The following ASTN2 variants were observed in gnomAD, a reference collection of about 807,000 sequenced individuals.
ASTN2 encodes astrotactin-2.
In ASTN2, 54 loss-of-function variants were observed where a neutral mutation model predicts 139.8. The ratio of observed to expected loss-of-function variants is 0.39; its 90% CI spans 0.31 to 0.48. ASTN2 has a LOEUF of 0.48. Among genes scored for constraint, ASTN2 ranks in the 20% least tolerant of loss-of-function variants. The pLI is 0.95. For synonymous variants in ASTN2, 756 were observed against 719.5 expected (o/e 1.05, Z -0.81); for missense variants, 1,565 against 1,725.1 (o/e 0.91, Z 1.64).
At chr9:116,447,896 G>C (rs577769083) in intron 20 of ASTN2, among the ~76,000 whole-genome samples, 1 of 152,280 alleles carries the variant, frequency 6.6e-6, no homozygotes, top group African/African-American at 2.4e-5. Flanking sequence ...AGGAGGGTGG[G>C]TAGAAAGGAA....
At chr9:117,336,079 A>G (rs1198363907) in intron 1 of ASTN2, among the ~76,000 whole-genome samples, 1 of 145,856 alleles carries the variant, frequency 6.9e-6, no homozygotes, top group Non-Finnish European at 1.5e-5. Flanking sequence ...AAAAAAAAGG[A>G]CCACCAGGCA....
chr9:116,576,067 C>A (rs144427282), intron 19 of ASTN2, among the ~76,000 whole-genome samples: 1 of 152,120 alleles, frequency 6.6e-6, no homozygotes, highest in Admixed American at 6.5e-5. Flanking sequence ...GAGCGCCCCA[C>A]CCCTCTATTT....
chr9:117,233,056 G>A (rs1383632039), intron 2 of ASTN2, among the ~76,000 whole-genome samples: 1 of 152,136 alleles, frequency 6.6e-6, no homozygotes, highest in East Asian at 1.9e-4. Context: ...TAACAAGCAA[G>A]TCTTCTAGGA....
At chr9:117,115,232 G>A (rs1231571837) in intron 4 of ASTN2, among the ~76,000 whole-genome samples, 1 of 152,148 alleles carries the variant, frequency 6.6e-6, no homozygotes, top group Non-Finnish European at 1.5e-5. Flanking sequence ...ATCTATTCTA[G>A]GCCGGGCAAT....
intron 5 of ASTN2, among the ~76,000 whole-genome samples, chr9:117,080,852 C>T (rs7043997): frequency 0.078 from 11,894 of 152,104 alleles, 582 homozygotes; most frequent in East Asian, 0.21. Context: ...CAGAGAACCA[C>T]ACTGTTCCTA....
At chr9:116,964,310 G>A (rs550110062) in intron 10 of ASTN2, among the ~76,000 whole-genome samples, 2 of 151,872 alleles carry the variant, frequency 1.3e-5, no homozygotes, top group Non-Finnish European at 2.9e-5. Context: ...ATTGGGCAGA[G>A]TAAGATACGC....
At chr9:117,016,656 A>ATATATAGGTTATATATATATGTT (rs59564628) in intron 6 of ASTN2, among the ~76,000 whole-genome samples, 2 of 26,812 alleles carry the variant, frequency 7.5e-5, no homozygotes, top group African/African-American at 2.5e-4. Context: ...ATATATATAT[A>ATATATAGGTTATATATATATGTT]ACCTATATAT....
At chr9:116,835,709 C>T (rs1030860738) in intron 11 of ASTN2, among the ~76,000 whole-genome samples, 5 of 152,212 alleles carry the variant, frequency 3.3e-5, no homozygotes, top group Admixed American at 1.3e-4. Context: ...AGGGCTGTGT[C>T]ACAGGCCGTG....
At chr9:116,926,333 T>C (rs978728729) in intron 10 of ASTN2, among the ~76,000 whole-genome samples, 1 of 152,232 alleles carries the variant, frequency 6.6e-6, no homozygotes, top group African/African-American at 2.4e-5. Flanking sequence ...TGCCACCCCC[T>C]GCCACTGCAA....
At chr9:116,773,018 A>G (rs1369730671) in intron 13 of ASTN2, among the ~76,000 whole-genome samples, 2 of 152,182 alleles carry the variant, frequency 1.3e-5, no homozygotes, top group African/African-American at 4.8e-5. Flanking sequence ...GAAAGCGAAG[A>G]AACTGAGCTG....
chr9:117,207,659 T>A (rs951449263), intron 3 of ASTN2, among the ~76,000 whole-genome samples: 2 of 151,970 alleles, frequency 1.3e-5, no homozygotes, highest in African/African-American at 4.8e-5. Context: ...CTGAGAAACA[T>A]CCCTTTGAGC....
At chr9:116,991,659 C>T (rs1461564223) in intron 7 of ASTN2, among the ~76,000 whole-genome samples, 1 of 151,534 alleles carries the variant, frequency 6.6e-6, no homozygotes, top group Non-Finnish European at 1.5e-5. Context: ...TACCAATAGT[C>T]AGGGGCAGAG....
intron 1 of ASTN2, among the ~76,000 whole-genome samples, chr9:117,349,767 C>T (rs1829332444): frequency 6.6e-6 from 1 of 152,070 alleles, no homozygotes; most frequent in Admixed American, 6.6e-5. Flanking sequence ...CTAACATCAG[C>T]AATAAGTCAG....
intron 19 of ASTN2, among the ~76,000 whole-genome samples, chr9:116,586,523 A>G (rs1351816892): frequency 6.6e-6 from 1 of 152,164 alleles, no homozygotes; most frequent in Non-Finnish European, 1.5e-5. Flanking sequence ...CGATTATCCT[A>G]AGCAAATTAA....
chr9:117,349,140 C>T (rs10818027), intron 1 of ASTN2, among the ~76,000 whole-genome samples: 9 of 151,970 alleles, frequency 5.9e-5, no homozygotes, highest in African/African-American at 2.2e-4. Context: ...CAAATCCAAA[C>T]GGTATGCTCA....
chr9:116,948,730 T>TGA (rs1255281503), intron 10 of ASTN2, among the ~76,000 whole-genome samples: 1 of 134,920 alleles, frequency 7.4e-6, no homozygotes, highest in African/African-American at 2.8e-5. Context: ...TGTGTGTGTG[T>TGA]AAGAGACAGA....
At chr9:116,754,404 T>C (rs1364806805) in intron 13 of ASTN2, among the ~76,000 whole-genome samples, 1 of 152,210 alleles carries the variant, frequency 6.6e-6, no homozygotes, top group Non-Finnish European at 1.5e-5. Context: ...CCACAATGGT[T>C]GAACTAATTT....
intron 5 of ASTN2, among the ~76,000 whole-genome samples, chr9:117,092,845 G>A (rs187538919): frequency 1.3e-5 from 2 of 152,290 alleles, no homozygotes; most frequent in Admixed American, 1.3e-4. Context: ...AGGAATAGGA[G>A]AGGACTGGGA....
intron 19 of ASTN2, among the ~76,000 whole-genome samples, chr9:116,516,165 T>C (rs1240475815): frequency 6.6e-6 from 1 of 152,188 alleles, no homozygotes; most frequent in Non-Finnish European, 1.5e-5. Flanking sequence ...TCCAGGGGAA[T>C]GTGACTTGCA....
Sources: gnomAD v4.1 joint callset for allele counts (sites outside exome capture counted in the v4.1 genomes callset) on GRCh38, gnomAD v4.1.1 for gene constraint, MANE v1.5 for transcripts, NCBI Gene and HGNC (gene_info 2026-07-23, HGNC 2026-07-21) for gene names.